The following RASSF9 variants were observed in gnomAD, a reference collection of about 807,000 sequenced individuals.
RASSF9 encodes Ras association domain family member 9.
In RASSF9, 18 loss-of-function variants were observed where a neutral mutation model predicts 21.4. The observed-to-expected ratio is 0.84, with a 90% CI of 0.58 to 1.25. The LOEUF is 1.25. Among genes scored for constraint, RASSF9 ranks in the 50% most tolerant of loss-of-function variants. The pLI is 0.00. For synonymous variants in RASSF9, 183 were observed against 179.1 expected, an observed-to-expected ratio of 1.02 and a Z score of -0.18; for missense variants, 480 against 503.2, an observed-to-expected ratio of 0.95 and a Z score of 0.44.
intron 1 of RASSF9, among the ~76,000 whole-genome samples, chr12:85,829,485 A>C (rs1880403942): frequency 6.6e-6 from 1 of 152,148 alleles, no homozygotes; most frequent in Non-Finnish European, 1.5e-5. Flanking sequence ...ATTGTTTTCC[A>C]CCAACTCAAC....
At chr12:85,824,698 A>G (rs1880292285) in intron 1 of RASSF9, among the ~76,000 whole-genome samples, 1 of 152,174 alleles carries the variant, frequency 6.6e-6, no homozygotes, top group South Asian at 2.1e-4. Context: ...GCATTAATTA[A>G]TATACACATT....
intron 1 of RASSF9, among the ~76,000 whole-genome samples, chr12:85,810,133 T>C (rs1008167855): frequency 4.6e-5 from 7 of 152,018 alleles, no homozygotes; most frequent in African/African-American, 1.7e-4. Flanking sequence ...ATTATATGCT[T>C]CACCAAGCCT....
Position 85,826,549 on chromosome 12 carries a change from G to A in RASSF9, c.47+9606C>T, listed in dbSNP as rs138407778. 7.7e-3 allele frequency among the ~76,000 whole-genome samples: 1,102 copies of A among 143,208 alleles called. 10 individuals are homozygous for A. The highest frequency in any genetic ancestry group is 0.026 in the African/African-American group (926 of 35,696). 94.0% of individuals were successfully genotyped at this position (143,208 alleles called of 152,430 possible). Reference sequence around the variant, plus strand: ...TGCAAGCTCCGCCTCCCGGGTTCACGCCATTATCCTGCCTTAGCCTCCCGA... The same window carrying A: ...TGCAAGCTCCGCCTCCCGGGTTCACACCATTATCCTGCCTTAGCCTCCCGA... On this transcript the variant is annotated intron_variant, in intron 1 of 1. Transcript: ENST00000361228.
At position 85,805,423 on chromosome 12, in the gene RASSF9, G is replaced by A. The variant is rs769769004; in HGVS notation, c.587C>T (p.Thr196Ile). 6.8e-6 allele frequency: 11 copies of A among 1,613,894 alleles called. No homozygotes were observed. In the East Asian group the frequency reaches 2.2e-4, roughly 33 times the overall value. The change falls in exon 2 of 2, where the codon ACT becomes ATT. Residue 196 changes from threonine (T) to isoleucine (I), a missense_variant. By Grantham distance (89) the Thr-to-Ile change is moderately conservative (BLOSUM62 -1). Coordinates refer to ENST00000361228, the MANE Select transcript of RASSF9 (RefSeq NM_005447.4). ...LVHLIISQDH[T>I]IHQQVKRMKE... ...CATTCTCTTGACTTGCTGATGAATA[G>A]TATGGTCCTGGGAAATGATCAGATG...
intron 1 of RASSF9, among the ~76,000 whole-genome samples, chr12:85,835,394 G>A (rs967522426): frequency 2.6e-5 from 4 of 152,074 alleles, no homozygotes; most frequent in African/African-American, 7.2e-5. Flanking sequence ...CAGACATACT[G>A]TCCCTAGAAA....
chr12:85,819,221 T>C (rs1237499578), intron 1 of RASSF9, among the ~76,000 whole-genome samples: 2 of 149,472 alleles, frequency 1.3e-5, no homozygotes, highest in Non-Finnish European at 3.0e-5. Flanking sequence ...TTTTTTTTTT[T>C]CTTTTTTTAG....
intron 1 of RASSF9, among the ~76,000 whole-genome samples, chr12:85,816,096 C>A (rs55811116): frequency 0.086 from 13,051 of 151,818 alleles, 645 homozygotes; most frequent in Middle Eastern, 0.18. Context: ...TATAAGAGGG[C>A]GCTAAATGAT....
At chr12:85,832,820 CAA>C (rs1362981286) in intron 1 of RASSF9, among the ~76,000 whole-genome samples, 4 of 151,798 alleles carry the variant, frequency 2.6e-5, no homozygotes, top group Non-Finnish European at 1.5e-5. Context: ...TTTCTGGAAT[CAA>C]AATAAATAAT....
At position 85,805,409 on chromosome 12, in the gene RASSF9, C is replaced by CT. The variant is rs756951493; in HGVS notation, c.600dup (p.Val201SerfsTer12). On this transcript the variant is annotated frameshift_variant, in exon 2 of 2. Coordinates refer to ENST00000361228, the MANE Select transcript of RASSF9 (RefSeq NM_005447.4). LOFTEE classifies it high-confidence loss of function. ...AGATCCAGCTCTTTCATTCTCTTGA[C>CT]TTGCTGATGAATAGTATGGTCCTGG... The CT allele has an allele frequency of 1.9e-6, 3 of 1,613,784 alleles. No individual in the cohort carries two copies.
At chr12:85,806,180 G>A (rs1879828334) in intron 1 of RASSF9, among the ~76,000 whole-genome samples, 1 of 151,456 alleles carries the variant, frequency 6.6e-6, no homozygotes, top group African/African-American at 2.4e-5. Flanking sequence ...CCCAGTAGCT[G>A]GGACTACAGG....
chr12:85,830,702 T>C (rs140592721), intron 1 of RASSF9, among the ~76,000 whole-genome samples: 5 of 152,266 alleles, frequency 3.3e-5, no homozygotes, highest in African/African-American at 1.2e-4. Flanking sequence ...ACTTGAAATA[T>C]CTTGTTTATT....
chr12:85,800,967 T>G lies in RASSF9; in HGVS notation c.*3735A>C, dbSNP rs1214962537. On this transcript the variant is annotated 3_prime_UTR_variant, in exon 2 of 2. Coordinates refer to ENST00000361228, the MANE Select transcript of RASSF9 (RefSeq NM_005447.4). ...TTGTCATGTACAGTAGATATTTAAA[T>G]AAATATAAAAATAAAATTTTAATGG... The G allele has an allele frequency of 6.6e-6, 1 of 151,866 alleles. No homozygotes were observed. The highest frequency in any genetic ancestry group is 1.5e-5 in the Non-Finnish European group (1 of 67,914). The allele number at this position is 151,866 out of a possible 1,614,324, so 9.4% of individuals were successfully genotyped here.
intron 1 of RASSF9, among the ~76,000 whole-genome samples, chr12:85,835,035 T>C (rs918317647): frequency 2.0e-5 from 3 of 152,118 alleles, no homozygotes; most frequent in Non-Finnish European, 2.9e-5. Flanking sequence ...GTCACCTAAA[T>C]CATGAATACA....
intron 1 of RASSF9, among the ~76,000 whole-genome samples, chr12:85,834,057 C>T (rs79258262): frequency 0.051 from 7,784 of 151,926 alleles, 294 homozygotes; most frequent in Middle Eastern, 0.13. Flanking sequence ...AACAAAAGAC[C>T]CTGTATATAG....
chr12:85,836,295 T>C lies in RASSF9; in HGVS notation c.-94A>G. On this transcript the variant is annotated 5_prime_UTR_variant, in exon 1 of 2. Transcript: ENST00000361228. Reference sequence around the variant, plus strand: ...ATTTCCAGGGTGAAGGGAGGAGGGCTGGAAGCTTTCTCTTCTCCTCGGATG... The same window carrying C: ...ATTTCCAGGGTGAAGGGAGGAGGGCCGGAAGCTTTCTCTTCTCCTCGGATG... The C allele has an allele frequency of 6.6e-7, 1 of 1,522,620 alleles. No individual in the cohort carries two copies. The allele number at this position is 1,522,620 out of a possible 1,614,324, so 94.3% of individuals were successfully genotyped here.
intron 1 of RASSF9, among the ~76,000 whole-genome samples, chr12:85,832,762 A>G (rs1472886183): frequency 6.6e-6 from 1 of 151,946 alleles, no homozygotes; most frequent in East Asian, 1.9e-4. Context: ...TCTGATGAAG[A>G]AGATATGCAT....
At chr12:85,828,375 C>A (rs533613671) in intron 1 of RASSF9, among the ~76,000 whole-genome samples, 1 of 152,120 alleles carries the variant, frequency 6.6e-6, no homozygotes, top group East Asian at 1.9e-4. Flanking sequence ...CAGATTGTAA[C>A]ACAAGGATAA....
chr12:85,835,027 C>T (rs1880529382), intron 1 of RASSF9, among the ~76,000 whole-genome samples: 1 of 152,036 alleles, frequency 6.6e-6, no homozygotes, highest in Admixed American at 6.5e-5. Context: ...GAAATTTTGT[C>T]ACCTAAATCA....
intron 1 of RASSF9, among the ~76,000 whole-genome samples, chr12:85,821,359 A>G (rs1377275386): frequency 6.6e-6 from 1 of 152,152 alleles, no homozygotes; most frequent in Non-Finnish European, 1.5e-5. Context: ...TAGTTTTTGG[A>G]TCATAGAGCT....
Sources: gnomAD v4.1 joint callset for allele counts (sites outside exome capture counted in the v4.1 genomes callset) on GRCh38, gnomAD v4.1.1 for gene constraint, MANE v1.5 for transcripts, NCBI Gene and HGNC (gene_info 2026-07-23, HGNC 2026-07-21) for gene names.